Variants in APC observed in about 807,000 individuals in gnomAD.
The protein encoded by APC is adenomatous polyposis coli protein.
In APC, 72 loss-of-function variants were observed where a neutral mutation model predicts 247.0. The observed-to-expected ratio is 0.29, with a 90% CI of 0.24 to 0.35. APC has a LOEUF of 0.35. APC is among the 10% of genes least tolerant of loss of function. APC has a pLI of 1.00. For synonymous variants in APC, 1,254 were observed against 1,162.5 expected, an observed-to-expected ratio of 1.08 and a Z score of -1.60; for missense variants, 3,400 against 3,360.7, an observed-to-expected ratio of 1.01 and a Z score of -0.29.
At chr5:112,820,924 C>T (rs1273396623) in intron 10 of APC, among the ~76,000 whole-genome samples, 1 of 151,984 alleles carries the variant, frequency 6.6e-6, no homozygotes, top group Non-Finnish European at 1.5e-5. Context: ...TGCAGTGGTG[C>T]GATCACAGTT....
At chr5:112,734,739 A>C (rs391816), upstream of APC, among the ~76,000 whole-genome samples, 4 of 151,852 alleles carry the variant, frequency 2.6e-5, no homozygotes, top group Non-Finnish European at 5.9e-5. Context: ...AAATTAGGCC[A>C]AAAGTGCCTA....
At chr5:112,811,246 G>A (rs1761956352) in intron 8 of APC, among the ~76,000 whole-genome samples, 1 of 152,180 alleles carries the variant, frequency 6.6e-6, no homozygotes, top group African/African-American at 2.4e-5. Flanking sequence ...TCTATCTTTG[G>A]ACAATGAGCA....
intron 11 of APC, among the ~76,000 whole-genome samples, chr5:112,825,426 C>G (rs894553535): frequency 6.6e-6 from 1 of 152,206 alleles, no homozygotes; most frequent in Non-Finnish European, 1.5e-5. Context: ...GATCCGGCAT[C>G]TACCCATGTT....
Position 112,841,284 on chromosome 5 carries a change from A to C in APC, c.5690A>C (p.His1897Pro), listed in dbSNP as rs112610898. 6.5e-5 allele frequency: 105 copies of C among 1,613,990 alleles called. No individual in the cohort carries two copies. The African/African-American group carries it at 1.2e-3, about 19-fold the overall frequency. Reference sequence around the variant, plus strand: ...GAATCAGAGGCTAAAGTTACCAGCCACACAGAACTAACCTCCAACCAACAA... The same window carrying C: ...GAATCAGAGGCTAAAGTTACCAGCCCCACAGAACTAACCTCCAACCAACAA... ...NKESEAKVTS[H>P]TELTSNQQSA... Residue 1897 changes from histidine (H) to proline (P), a missense_variant, in exon 16 of 16, where the codon CAC becomes CCC. Transcript: ENST00000257430. This position sits in a 1 kb window ranked among gnomAD's most constrained non-coding sequence, Gnocchi z 4.6.
intron 1 of APC, among the ~76,000 whole-genome samples, chr5:112,710,517 C>T (rs1459192904): frequency 1.3e-5 from 2 of 152,130 alleles, no homozygotes; most frequent in Non-Finnish European, 2.9e-5. Context: ...TGTCCATTTT[C>T]ACTTCCTGTC....
At chr5:112,781,316 G>T (rs993282612) in intron 6 of APC, among the ~76,000 whole-genome samples, 17 of 152,206 alleles carry the variant, frequency 1.1e-4, no homozygotes, top group Admixed American at 1.1e-3. Flanking sequence ...GAAACAAAGA[G>T]AATTTTAGGA....
rs183525437 is a variant in APC, at chr5:112,803,152, A to G, written c.834+1769A>G. On this transcript the variant is annotated intron_variant, in intron 8 of 15. Coordinates refer to ENST00000257430, the MANE Select transcript of APC (RefSeq NM_000038.6). ...ACTCAGTAATGGTGAGCAAACAGGC[A>G]TTCTCATATGTTGCTTTTAATTGTA... 5.1e-4 allele frequency among the ~76,000 whole-genome samples: 78 copies of G among 152,270 alleles called. 1 individual carries two copies. Among genetic ancestry groups the G allele is most frequent in the South Asian group, 3.5e-3 (17 of 4,832 alleles).
At chr5:112,814,973 G>C (rs1580509260) in intron 8 of APC, among the ~76,000 whole-genome samples, 1 of 152,144 alleles carries the variant, frequency 6.6e-6, no homozygotes, top group African/African-American at 2.4e-5. Context: ...TTCCCTCAGT[G>C]TTTTGTTCAT....
intron 6 of APC, among the ~76,000 whole-genome samples, chr5:112,791,842 C>G (rs1759639888): frequency 6.6e-6 from 1 of 152,098 alleles, no homozygotes; most frequent in African/African-American, 2.4e-5. Flanking sequence ...TGTATTGTGT[C>G]AATTTTCATA....
In APC at chr5:112,840,289, T is replaced by C. The variant is rs1561594772; in HGVS notation, c.4695T>C (p.Asp1565=). 1 of 1,614,114 alleles carries C rather than the reference T, an allele frequency of 6.2e-7. No individual in the cohort carries two copies. The change falls in exon 16 of 16, where the codon GAT becomes GAC. Residue 1565 remains aspartate (D), a synonymous_variant. Coordinates refer to ENST00000257430, the MANE Select transcript of APC (RefSeq NM_000038.6). This position sits in a 1 kb window ranked among gnomAD's most constrained non-coding sequence, Gnocchi z 4.1. The part of the protein sequence containing the change: ...KTIDSEKDLL[D]DSDDDDIEIL... Reference sequence around the variant, plus strand: ...TTGATTCTGAAAAGGACCTATTAGATGATTCAGATGATGATGATATTGAAA... The same window carrying C: ...TTGATTCTGAAAAGGACCTATTAGACGATTCAGATGATGATGATATTGAAA...
At chr5:112,764,262 A>T (rs1338107822) in intron 2 of APC, among the ~76,000 whole-genome samples, 2 of 151,470 alleles carry the variant, frequency 1.3e-5, no homozygotes, top group African/African-American at 2.4e-5. Context: ...AAAAAAAAAA[A>T]AGAGACCTGA....
At chr5:112,737,559 T>C (rs1282008122), upstream of APC, among the ~76,000 whole-genome samples, 1 of 152,228 alleles carries the variant, frequency 6.6e-6, no homozygotes, top group African/African-American at 2.4e-5. Flanking sequence ...CTCCGGCATC[T>C]TGTGCTAATC....
In APC at chr5:112,840,421, A is replaced by G. The variant is rs1398360614; in HGVS notation, c.4827A>G (p.Pro1609=). The G allele has an allele frequency of 1.2e-6, 2 of 1,614,182 alleles. No homozygotes were observed. Among genetic ancestry groups the G allele is most frequent in the South Asian group, 2.2e-5 (2 of 91,084 alleles). ...SKLPPPVARK[P]SQLPVYKLLP... is the part of the protein sequence containing the mutation. Reference sequence around the variant, plus strand: ...TACCTCCACCTGTGGCAAGGAAACCAAGTCAGCTGCCTGTGTACAAACTTC... The same window carrying G: ...TACCTCCACCTGTGGCAAGGAAACCGAGTCAGCTGCCTGTGTACAAACTTC... Residue 1609 remains proline, a synonymous_variant, in exon 16 of 16, where the codon CCA becomes CCG. Coordinates refer to ENST00000257430, the MANE Select transcript of APC (RefSeq NM_000038.6). The surrounding 1 kb of genome is among the most constrained non-coding windows in gnomAD (Gnocchi z 4.1).
At chr5:112,784,878 A>T (rs748593090) in intron 6 of APC, among the ~76,000 whole-genome samples, 2 of 152,224 alleles carry the variant, frequency 1.3e-5, no homozygotes, top group Non-Finnish European at 2.9e-5. Flanking sequence ...CTGTAATCCC[A>T]GCACTTTGGG....
In APC at chr5:112,828,102, C is replaced by G. The variant is rs987554843; in HGVS notation, c.1626+96C>G. The G allele has an allele frequency of 5.5e-5, 54 of 976,684 alleles. 1 individual carries two copies. The highest frequency in any genetic ancestry group is 1.6e-6 in the Non-Finnish European group (1 of 624,474). The allele number at this position is 976,684 out of a possible 1,614,324, so 60.5% of individuals were successfully genotyped here. A position where few individuals can be genotyped will look rare whatever the true frequency, so the allele number is the denominator to read the frequency against. On this transcript the variant is annotated intron_variant, in intron 13 of 15. Coordinates refer to ENST00000257430, the MANE Select transcript of APC (RefSeq NM_000038.6). ...CAGGCTTAGAGGGCAGTTGTGCAATCTCAGCTCACTGCAACCTCTGCCTCC... is the reference window on the plus strand; with the variant it reads ...CAGGCTTAGAGGGCAGTTGTGCAATGTCAGCTCACTGCAACCTCTGCCTCC...
intron 1 of APC, among the ~76,000 whole-genome samples, chr5:112,744,907 G>T (rs1052395403): frequency 5.3e-5 from 8 of 152,164 alleles, no homozygotes; most frequent in African/African-American, 1.9e-4. Flanking sequence ...CTTGATATGT[G>T]TTCTTAGGGA....
intron 15 of APC, among the ~76,000 whole-genome samples, chr5:112,836,164 G>GTT (rs1554083513): frequency 3.5e-5 from 1 of 28,376 alleles, no homozygotes; most frequent in Non-Finnish European, 8.0e-5. Flanking sequence ...GGGATTACAG[G>GTT]TCCCCCCCCC....
chr5:112,801,251 T>C (rs762487568), intron 7 of APC, 28 bp from the exon 8 acceptor site: 119 of 1,589,868 alleles, frequency 7.5e-5, no homozygotes, highest in Non-Finnish European at 9.5e-5. Context: ...CATTTTTGCA[T>C]GTACTGATGT....
In APC at chr5:112,843,347, A is replaced by G. The variant is rs1473677751; in HGVS notation, c.7753A>G (p.Lys2585Glu). ...SASSESSEKAKSEDEKHVNSI... is the reference protein window; with the variant it reads ...SASSESSEKAESEDEKHVNSI... ...TTCATCAGAATCCAGTGAAAAAGCA[A>G]AAAGTGAGGATGAAAAACATGTGAA... Residue 2585 changes from lysine to glutamate, a missense_variant, in exon 16 of 16, where the codon AAA becomes GAA. Coordinates refer to ENST00000257430, the MANE Select transcript of APC (RefSeq NM_000038.6). The surrounding 1 kb of genome is among the most constrained non-coding windows in gnomAD (Gnocchi z 4.8). 1.2e-6 allele frequency: 2 copies of G among 1,613,848 alleles called. No homozygotes were observed. Among genetic ancestry groups the G allele is most frequent in the South Asian group, 1.1e-5 (1 of 91,076 alleles).
Sources: allele counts gnomAD v4.1 joint callset (sites outside exome capture counted in the v4.1 genomes callset), GRCh38; gene constraint gnomAD v4.1.1; non-coding constraint Gnocchi (gnomAD v3.1); transcripts MANE v1.5; gene names NCBI Gene and HGNC (gene_info 2026-07-23, HGNC 2026-07-21).